The following ZFHX3 variants were observed in gnomAD, a reference collection of about 807,000 sequenced individuals.
The protein encoded by ZFHX3 is zinc finger homeobox 3.
In ZFHX3, 42 loss-of-function variants were observed where a neutral mutation model predicts 279.1. The observed-to-expected ratio is 0.15, with a 90% CI of 0.12 to 0.19. The LOEUF is 0.19. ZFHX3 is among the 10% of genes least tolerant of loss of function. The probability of loss-of-function intolerance (pLI) is 1.00; values close to 1 mark genes in which losing one functional copy is unlikely to be tolerated. For synonymous variants in ZFHX3, 2,293 were observed against 1,957.8 expected (o/e 1.17, Z -4.52); for missense variants, 4,981 against 4,754.0 (o/e 1.05, Z -1.40).
At chr16:73,551,910 G>C (rs559017952) in intron 2 of ZFHX3, among the ~76,000 whole-genome samples, 2 of 152,134 alleles carry the variant, frequency 1.3e-5, no homozygotes, top group African/African-American at 4.8e-5. Flanking sequence ...TGTGTATAAT[G>C]CATACATATA....
At chr16:73,018,947 C>T (rs1485259864) in intron 1 of ZFHX3, among the ~76,000 whole-genome samples, 1 of 152,186 alleles carries the variant, frequency 6.6e-6, no homozygotes, top group Non-Finnish European at 1.5e-5. Context: ...AAGACTCTGA[C>T]CTCGCTTCTA....
intron 1 of ZFHX3, among the ~76,000 whole-genome samples, chr16:73,849,729 T>C (rs1961547000): frequency 6.6e-6 from 1 of 152,212 alleles, no homozygotes; most frequent in Non-Finnish European, 1.5e-5. Context: ...TCCACTGATA[T>C]AGCATTTATT....
At chr16:73,861,574 G>C (rs896391319) in intron 1 of ZFHX3, among the ~76,000 whole-genome samples, 1 of 152,020 alleles carries the variant, frequency 6.6e-6, no homozygotes, top group Non-Finnish European at 1.5e-5. Flanking sequence ...TTATGCAATT[G>C]CACGTTGTTT....
At chr16:73,062,373 C>A (rs533296178), upstream of ZFHX3, 1 of 152,276 alleles carries the variant, frequency 6.6e-6, no homozygotes, top group East Asian at 1.9e-4. Flanking sequence ...CACAGATATA[C>A]AAGGTGTACA....
chr16:73,108,165 AAAC>A lies in ZFHX3; in HGVS notation c.-896-14570_-896-14568del, dbSNP rs1201065637. On this transcript the variant is annotated intron_variant, in intron 7 of 17. Coordinates refer to the ZFHX3 transcript ENST00000641206. ...GACAGAGCAAGATTCCATCTCAAAT[AAAC>A]AACAACAACAACAAAATTAGCTGGG... 2.6e-4 allele frequency among the ~76,000 whole-genome samples: 39 copies of A among 151,894 alleles called. No individual in the cohort carries two copies. In the East Asian group the frequency reaches 6.8e-3, roughly 27 times the overall value.
intron 1 of ZFHX3, among the ~76,000 whole-genome samples, chr16:73,034,793 C>T (rs1427042479): frequency 6.6e-6 from 1 of 152,166 alleles, no homozygotes; most frequent in East Asian, 1.9e-4. Context: ...GGTGAGCACC[C>T]CCACCTGTAC....
chr16:73,725,889 C>T (rs576775621), intron 1 of ZFHX3, among the ~76,000 whole-genome samples: 2 of 152,270 alleles, frequency 1.3e-5, no homozygotes, highest in Middle Eastern at 3.4e-3. Context: ...GGTCACCCCA[C>T]TAAGCCACAG....
chr16:72,810,601 G>C (rs934550928), intron 7 of ZFHX3, among the ~76,000 whole-genome samples: 1 of 152,172 alleles, frequency 6.6e-6, no homozygotes, highest in Non-Finnish European at 1.5e-5. Flanking sequence ...CACTAATTAG[G>C]CCATGTTTAT....
intron 3 of ZFHX3, among the ~76,000 whole-genome samples, chr16:72,918,205 C>A (rs1247592441): frequency 6.6e-6 from 1 of 152,128 alleles, no homozygotes. Context: ...GACCTGTCAA[C>A]AAGCAAATAA....
intron 2 of ZFHX3, among the ~76,000 whole-genome samples, chr16:73,601,178 C>T (rs938900979): frequency 6.6e-6 from 1 of 151,676 alleles, no homozygotes; most frequent in African/African-American, 2.4e-5. Flanking sequence ...TTGGGCCAGG[C>T]ACAGTGGCTC....
chr16:73,038,495 C>T (rs1334739366), intron 1 of ZFHX3, among the ~76,000 whole-genome samples: 1 of 152,202 alleles, frequency 6.6e-6, no homozygotes, highest in Non-Finnish European at 1.5e-5. Context: ...TCCAATATGA[C>T]GGCCACAACT....
chr16:72,890,559 C>A (rs1245043738), intron 3 of ZFHX3, among the ~76,000 whole-genome samples: 1 of 151,530 alleles, frequency 6.6e-6, no homozygotes, highest in Non-Finnish European at 1.5e-5. Context: ...TGAAAAAACA[C>A]AGCAAGCTGA....
intron 3 of ZFHX3, among the ~76,000 whole-genome samples, chr16:73,432,325 A>G (rs2017924091): frequency 6.6e-6 from 1 of 152,116 alleles, no homozygotes; most frequent in Admixed American, 6.5e-5. Context: ...GGCAGCCCCT[A>G]TTAGGTGGCT....
chr16:73,262,628 A>G (rs1052733591), intron 4 of ZFHX3, among the ~76,000 whole-genome samples: 1 of 152,210 alleles, frequency 6.6e-6, no homozygotes, highest in African/African-American at 2.4e-5. Context: ...AACCAGAAGC[A>G]GATTTGGCCC....
At chr16:73,730,473 T>C (rs938392441) in intron 1 of ZFHX3, among the ~76,000 whole-genome samples, 2 of 151,308 alleles carry the variant, frequency 1.3e-5, no homozygotes, top group African/African-American at 4.9e-5. Context: ...ACAAATCCAG[T>C]GCATTGTACA....
At chr16:72,788,928 C>G in intron 9 of ZFHX3, 80 bp from the exon 10 acceptor site, 1 of 1,493,714 alleles carries the variant, frequency 6.7e-7, no homozygotes, top group Non-Finnish European at 8.9e-7. Context: ...ACCGGTGTCA[C>G]TGGCACACAG....
At chr16:73,283,153 T>G (rs965645599) in intron 4 of ZFHX3, among the ~76,000 whole-genome samples, 2 of 152,200 alleles carry the variant, frequency 1.3e-5, no homozygotes, top group African/African-American at 4.8e-5. Flanking sequence ...AGACAATAGG[T>G]AAACTAATGA....
intron 2 of ZFHX3, among the ~76,000 whole-genome samples, chr16:73,658,041 G>C (rs1337085284): frequency 6.6e-6 from 1 of 152,196 alleles, no homozygotes; most frequent in Non-Finnish European, 1.5e-5. Flanking sequence ...TTAATAGAGA[G>C]TAGATGCTGT....
In ZFHX3 at chr16:73,743,986, C is replaced by T. The variant is rs543782872; in HGVS notation, c.-1607-63746G>A. On this transcript the variant is annotated intron_variant, in intron 1 of 17. Coordinates refer to the ZFHX3 transcript ENST00000641206. ...GACATCCTCTCTACATAACAGTCTT[C>T]ATGCTCAAAATTAAAACTCTCCCTC... Among the ~76,000 whole-genome samples, 336 of 152,310 alleles carry T rather than the reference C, an allele frequency of 2.2e-3. 1 individual carries two copies. The highest frequency in any genetic ancestry group is 7.6e-3 in the African/African-American group (314 of 41,560).
Sources: gnomAD v4.1 joint callset for allele counts (sites outside exome capture counted in the v4.1 genomes callset) on GRCh38, gnomAD v4.1.1 for gene constraint, MANE v1.5 for transcripts, NCBI Gene and HGNC (gene_info 2026-07-23, HGNC 2026-07-21) for gene names.